The following EIF4EBP1 variants were observed in gnomAD, a reference collection of about 807,000 sequenced individuals.
The protein encoded by EIF4EBP1 is eukaryotic translation initiation factor 4E-binding protein 1.
In EIF4EBP1, 5 loss-of-function variants were observed where a neutral mutation model predicts 9.2. The observed-to-expected ratio is 0.54, with a 90% CI of 0.28 to 1.14. EIF4EBP1 has a LOEUF of 1.14. EIF4EBP1 is among the 50% of genes most tolerant of loss of function. The pLI is 0.09. For missense variants in EIF4EBP1, 139 were observed against 169.6 expected (o/e 0.82, Z 1.00); for synonymous variants, 62 against 67.0 (o/e 0.93, Z 0.36).
At chr8:38,051,038 C>T (rs1254575889) in intron 1 of EIF4EBP1, among the ~76,000 whole-genome samples, 1 of 152,162 alleles carries the variant, frequency 6.6e-6, no homozygotes, top group African/African-American at 2.4e-5. Context: ...GGACACCTGG[C>T]ACCCCTCTGG....
intron 1 of EIF4EBP1, among the ~76,000 whole-genome samples, chr8:38,055,474 A>G (rs1809582762): frequency 6.6e-6 from 1 of 152,134 alleles, no homozygotes; most frequent in Non-Finnish European, 1.5e-5. Flanking sequence ...ATGATTCCCA[A>G]ACTTGGGTTA....
chr8:38,032,260 G>C lies in EIF4EBP1; in HGVS notation c.145+1542G>C, dbSNP rs147856254. ...GGGTACCAAGGTTCACACCTGTAAT[G>C]CCAGCATTTTGGGGAGCCAAGGCAG... On this transcript the variant is annotated intron_variant, in intron 1 of 2. Transcript: ENST00000338825. Among the ~76,000 whole-genome samples the C allele has an allele frequency of 2.7e-4, 41 of 151,500 alleles. No individual in the cohort carries two copies. The East Asian group carries it at 7.9e-3, about 29-fold the overall frequency.
intron 1 of EIF4EBP1, among the ~76,000 whole-genome samples, chr8:38,052,744 G>C (rs1197235037): frequency 6.6e-6 from 1 of 151,736 alleles, no homozygotes; most frequent in Non-Finnish European, 1.5e-5. Flanking sequence ...TTGTAGATAA[G>C]GTCTTGCAAT....
At chr8:38,054,423 C>G (rs1809566757) in intron 1 of EIF4EBP1, among the ~76,000 whole-genome samples, 1 of 152,076 alleles carries the variant, frequency 6.6e-6, no homozygotes, top group African/African-American at 2.4e-5. Flanking sequence ...TGCATTCCAG[C>G]CTGGGTGACA....
At chr8:38,059,341 A>G (rs886312628) in intron 2 of EIF4EBP1, among the ~76,000 whole-genome samples, 1 of 152,094 alleles carries the variant, frequency 6.6e-6, no homozygotes, top group African/African-American at 2.4e-5. Flanking sequence ...CCTCCATGTG[A>G]CATGCCTGCT....
intron 1 of EIF4EBP1, among the ~76,000 whole-genome samples, chr8:38,039,237 G>A (rs1401911719): frequency 1.3e-5 from 2 of 151,602 alleles, no homozygotes; most frequent in East Asian, 2.0e-4. Context: ...TCTTCTTCCA[G>A]TGTGGCCCAG....
chr8:38,043,807 G>C (rs969635308), intron 1 of EIF4EBP1, among the ~76,000 whole-genome samples: 1 of 152,012 alleles, frequency 6.6e-6, no homozygotes, highest in African/African-American at 2.4e-5. Context: ...CAGCGGTTGC[G>C]GGGCAGAGGT....
chr8:38,044,591 A>G (rs1005543929), intron 1 of EIF4EBP1, among the ~76,000 whole-genome samples: 4 of 152,206 alleles, frequency 2.6e-5, no homozygotes, highest in Admixed American at 2.6e-4. Context: ...GGCGCACGCC[A>G]TCATGCCAGG....
At chr8:38,039,615 G>A (rs1195584885) in intron 1 of EIF4EBP1, among the ~76,000 whole-genome samples, 1 of 151,820 alleles carries the variant, frequency 6.6e-6, no homozygotes, top group East Asian at 1.9e-4. Context: ...TGTTGGCCAG[G>A]CTGGTCTCAA....
chr8:38,053,669 G>A (rs1585530789), intron 1 of EIF4EBP1, among the ~76,000 whole-genome samples: 2 of 152,326 alleles, frequency 1.3e-5, no homozygotes, highest in South Asian at 4.1e-4. Context: ...TCAGTCAGAG[G>A]AAAGGATAAG....
intron 1 of EIF4EBP1, among the ~76,000 whole-genome samples, chr8:38,048,938 C>T (rs946414085): frequency 9.2e-5 from 14 of 151,750 alleles, no homozygotes; most frequent in South Asian, 6.2e-4. Context: ...AGACCAGCCT[C>T]GACATGTAGA....
At chr8:38,057,789 C>T (rs529805963) in intron 2 of EIF4EBP1, among the ~76,000 whole-genome samples, 2 of 152,168 alleles carry the variant, frequency 1.3e-5, no homozygotes, top group Non-Finnish European at 2.9e-5. Context: ...TTGTCTCTGC[C>T]GATTTGACAT....
intron 1 of EIF4EBP1, among the ~76,000 whole-genome samples, chr8:38,048,612 A>G (rs113843876): frequency 3.3e-5 from 5 of 152,254 alleles, no homozygotes; most frequent in African/African-American, 9.6e-5. Flanking sequence ...ACAACTGTCA[A>G]TGTGGGGTTC....
intron 1 of EIF4EBP1, among the ~76,000 whole-genome samples, chr8:38,035,293 C>A (rs1356659449): frequency 6.6e-6 from 1 of 152,150 alleles, no homozygotes; most frequent in Non-Finnish European, 1.5e-5. Context: ...TCTTGGCACA[C>A]TGCAACCTAC....
intron 1 of EIF4EBP1, among the ~76,000 whole-genome samples, chr8:38,031,327 GA>G (rs1809215826): frequency 6.6e-6 from 1 of 152,136 alleles, no homozygotes; most frequent in African/African-American, 2.4e-5. Flanking sequence ...GGGCTGTGCA[GA>G]AAAACACGTT....
rs770837501 is a variant in EIF4EBP1 at position 38,059,977 on chromosome 8, G to A, written c.*42G>A. Reference sequence around the variant, plus strand: ...TGGAGCACTACCAAGGGGCCCCTCAGGGCCTTCCTGGGAGGAGTCCCACCA... The same window carrying A: ...TGGAGCACTACCAAGGGGCCCCTCAAGGCCTTCCTGGGAGGAGTCCCACCA... On this transcript the variant is annotated 3_prime_UTR_variant, in exon 3 of 3. Coordinates refer to ENST00000338825, the MANE Select transcript of EIF4EBP1 (RefSeq NM_004095.4). 8.1e-6 allele frequency: 13 copies of A among 1,596,914 alleles called. No individual in the cohort carries two copies. Among genetic ancestry groups the A allele is most frequent in the Non-Finnish European group, 1.1e-5 (13 of 1,164,574 alleles).
rs1289403844 is a variant in EIF4EBP1, at chr8:38,057,158, C to T, written c.223C>T (p.Leu75=). ...TGTGACCAAAACACCCCCAAGGGAT[C>T]TGCCCACCATTCCGGGGGTCACCAG... ...SPVTKTPPRD[L]PTIPGVTSPS... Residue 75 remains leucine (L), a synonymous_variant, in exon 2 of 3, where the codon CTG becomes TTG. Coordinates refer to ENST00000338825, the MANE Select transcript of EIF4EBP1 (RefSeq NM_004095.4). 6.2e-7 allele frequency: 1 copy of T among 1,614,152 alleles called. No homozygotes were observed. The highest frequency in any genetic ancestry group is 8.5e-7 in the Non-Finnish European group (1 of 1,180,052).
chr8:38,037,816 C>A (rs1192246004), intron 1 of EIF4EBP1, among the ~76,000 whole-genome samples: 1 of 152,048 alleles, frequency 6.6e-6, no homozygotes, highest in African/African-American at 2.4e-5. Flanking sequence ...TACTCTGTTG[C>A]AGGTTGGAGT....
chr8:38,057,326 T>C (rs1334397828), intron 2 of EIF4EBP1, 66 bp downstream of exon 2: 3 of 1,509,096 alleles, frequency 2.0e-6, no homozygotes, highest in African/African-American at 1.4e-5. Context: ...CTGGAGTCCA[T>C]CCACTGGGGG....
Sources: gnomAD v4.1 joint callset for allele counts (sites outside exome capture counted in the v4.1 genomes callset) on GRCh38, gnomAD v4.1.1 for gene constraint, MANE v1.5 for transcripts, NCBI Gene and HGNC (gene_info 2026-07-23, HGNC 2026-07-21) for gene names.